The following AGBL4 variants were observed in gnomAD, a reference collection of about 807,000 sequenced individuals.
The protein encoded by AGBL4 is AGBL carboxypeptidase 4.
Under a neutral mutation model 66.4 loss-of-function variants are expected in AGBL4, and 58 were observed. The ratio of observed to expected loss-of-function variants is 0.87; its 90% CI spans 0.71 to 1.09. The LOEUF (loss-of-function observed/expected upper bound fraction) is 1.09. AGBL4 is among the 50% of genes least tolerant of loss of function. The pLI is 0.00. For synonymous variants in AGBL4, 234 were observed against 222.9 expected (o/e 1.05, Z -0.44); for missense variants, 579 against 631.0 (o/e 0.92, Z 0.88).
At chr1:49,790,907 C>T (rs1172312878) in intron 2 of AGBL4, among the ~76,000 whole-genome samples, 1 of 152,066 alleles carries the variant, frequency 6.6e-6, no homozygotes, top group East Asian at 1.9e-4. Context: ...TCTTAATAGC[C>T]AATTGACTGA....
chr1:48,873,152 T>G (rs963373634), intron 5 of AGBL4, among the ~76,000 whole-genome samples: 2 of 152,204 alleles, frequency 1.3e-5, no homozygotes, highest in Admixed American at 1.3e-4. Flanking sequence ...GACAAAATCT[T>G]AGCCTTAGGT....
intron 6 of AGBL4, among the ~76,000 whole-genome samples, chr1:48,839,724 G>A (rs1419934158): frequency 6.6e-6 from 1 of 152,114 alleles, no homozygotes; most frequent in Non-Finnish European, 1.5e-5. Flanking sequence ...GGAAAAATAA[G>A]AAATGGGAAA....
chr1:49,859,418 C>G (rs1017616948), intron 1 of AGBL4, among the ~76,000 whole-genome samples: 3 of 152,122 alleles, frequency 2.0e-5, no homozygotes, highest in Non-Finnish European at 4.4e-5. Flanking sequence ...TGTGCAAGAT[C>G]AGTTCAACAT....
intron 6 of AGBL4, among the ~76,000 whole-genome samples, chr1:48,725,208 T>A (rs1451364776): frequency 1.3e-5 from 2 of 152,214 alleles, no homozygotes; most frequent in Non-Finnish European, 2.9e-5. Context: ...GGAATACTCT[T>A]ATCCTTTATT....
In AGBL4 at chr1:48,539,708, G is replaced by A. The variant is rs1177193161; in HGVS notation, c.1298C>T (p.Thr433Ile). 7 of 1,543,582 alleles carry A rather than the reference G, an allele frequency of 4.5e-6. No homozygotes were observed. Among genetic ancestry groups the A allele is most frequent in the Non-Finnish European group, 6.1e-6 (7 of 1,141,608 alleles). ...YMKLGRNVAR[T>I]FLDYYRLNPV... ...GTTCAGCCGATAATAGTCCAAAAAG[G>A]TTCTTGCCACATTCCGCCCCAGCTT... Residue 433 changes from threonine to isoleucine, a missense_variant, in exon 12 of 14, where the codon ACC becomes ATC. Thr to Ile is a moderately conservative substitution (Grantham distance 89). Coordinates refer to ENST00000371839, the MANE Select transcript of AGBL4 (RefSeq NM_032785.4).
intron 1 of AGBL4, among the ~76,000 whole-genome samples, chr1:49,971,532 A>G (rs1658082118): frequency 6.6e-6 from 1 of 152,210 alleles, no homozygotes; most frequent in Non-Finnish European, 1.5e-5. Context: ...AGGAAAGAAA[A>G]AAGAAATCAC....
chr1:49,027,995 G>A (rs1663869166), intron 5 of AGBL4, among the ~76,000 whole-genome samples: 1 of 152,136 alleles, frequency 6.6e-6, no homozygotes, highest in African/African-American at 2.4e-5. Context: ...TCTGTTCAGG[G>A]AGAATGGCAA....
chr1:48,994,581 C>T (rs758562609), intron 5 of AGBL4, among the ~76,000 whole-genome samples: 8 of 152,010 alleles, frequency 5.3e-5, no homozygotes, highest in Non-Finnish European at 8.8e-5. Context: ...AGTGGGTACC[C>T]AGAATAATAT....
intron 6 of AGBL4, among the ~76,000 whole-genome samples, chr1:48,815,111 C>T (rs1332703874): frequency 6.6e-6 from 1 of 152,088 alleles, no homozygotes; most frequent in Non-Finnish European, 1.5e-5. Context: ...TGAGATGATA[C>T]CTCATTGTGG....
intron 3 of AGBL4, among the ~76,000 whole-genome samples, chr1:49,350,552 T>C (rs922056755): frequency 2.0e-5 from 3 of 152,246 alleles, no homozygotes; most frequent in Admixed American, 2.0e-4. Flanking sequence ...GTTAAATTTA[T>C]TGAAAGAGGT....
chr1:49,313,588 C>G (rs765767244), intron 3 of AGBL4, among the ~76,000 whole-genome samples: 3 of 152,136 alleles, frequency 2.0e-5, no homozygotes, highest in Non-Finnish European at 2.9e-5. Flanking sequence ...GAGATAGTAC[C>G]TCATTGTGGT....
chr1:49,643,255 C>T (rs891369581), intron 3 of AGBL4, among the ~76,000 whole-genome samples: 34 of 151,062 alleles, frequency 2.3e-4, no homozygotes, highest in Admixed American at 6.6e-5. Flanking sequence ...GAAAGATTAG[C>T]GATCTTAAAA....
At chr1:49,677,968 G>C (rs752286642) in intron 3 of AGBL4, among the ~76,000 whole-genome samples, 27 of 152,140 alleles carry the variant, frequency 1.8e-4, no homozygotes, top group Non-Finnish European at 3.4e-4. Context: ...AAGCAACCCA[G>C]TCTATGATAT....
intron 5 of AGBL4, among the ~76,000 whole-genome samples, chr1:48,884,627 A>G (rs752655804): frequency 6.6e-6 from 1 of 152,226 alleles, no homozygotes; most frequent in Non-Finnish European, 1.5e-5. Flanking sequence ...ATACATTTAC[A>G]CAGATGTGTC....
intron 2 of AGBL4, among the ~76,000 whole-genome samples, chr1:49,711,942 T>C (rs1647701034): frequency 6.6e-6 from 1 of 151,984 alleles, no homozygotes; most frequent in African/African-American, 2.4e-5. Context: ...AATAGCTTTG[T>C]TTCTTTGGAA....
chr1:48,849,988 A>G (rs975236000), intron 6 of AGBL4, among the ~76,000 whole-genome samples: 1 of 152,176 alleles, frequency 6.6e-6, no homozygotes, highest in African/African-American at 2.4e-5. Flanking sequence ...ATAAAATAAA[A>G]TAAGAAAATA....
At chr1:48,700,333 C>T (rs1159151973) in intron 6 of AGBL4, among the ~76,000 whole-genome samples, 1 of 152,220 alleles carries the variant, frequency 6.6e-6, no homozygotes, top group Non-Finnish European at 1.5e-5. Context: ...GCTCCTTGTG[C>T]TCTTCTTCCA....
intron 1 of AGBL4, among the ~76,000 whole-genome samples, chr1:49,971,903 T>C (rs1327246512): frequency 8.6e-6 from 1 of 116,756 alleles, no homozygotes; most frequent in Non-Finnish European, 1.8e-5. Context: ...CAGGGTTTTT[T>C]TGGGTTTTTT....
chr1:49,992,574 A>T (rs1660038960), intron 1 of AGBL4, among the ~76,000 whole-genome samples: 1 of 151,578 alleles, frequency 6.6e-6, no homozygotes, highest in Non-Finnish European at 1.5e-5. Flanking sequence ...GCTACTTTAC[A>T]TCTATTTAGG....
Sources: allele counts gnomAD v4.1 joint callset (sites outside exome capture counted in the v4.1 genomes callset), GRCh38; gene constraint gnomAD v4.1.1; transcripts MANE v1.5; gene names NCBI Gene and HGNC (gene_info 2026-07-23, HGNC 2026-07-21).